Variants in PIP5K1A observed in about 807,000 individuals in gnomAD.
PIP5K1A encodes phosphatidylinositol-4-phosphate 5-kinase type 1 alpha.
PIP5K1A carries 46 observed loss-of-function variants against 72.9 expected under a neutral mutation model. That is an observed-to-expected ratio of 0.63 (90% CI 0.50 to 0.81). The LOEUF (loss-of-function observed/expected upper bound fraction) is 0.81, where lower values mean the gene tolerates loss of function less well. PIP5K1A is among the 30% of genes least tolerant of loss of function. PIP5K1A has a pLI of 0.00. For missense variants in PIP5K1A, 458 were observed against 706.1 expected (o/e 0.65, Z 3.98); for synonymous variants, 228 against 255.1 (o/e 0.89, Z 1.01).
In PIP5K1A at chr1:151,247,956, C is replaced by T. The variant is rs769360431; in HGVS notation, c.*91C>T. ...TGCCCCAGCAATGCTGAATTTTCTTCTACTTGGTCATCAAAAAAGGAGTGT... is the reference window on the plus strand; with the variant it reads ...TGCCCCAGCAATGCTGAATTTTCTTTTACTTGGTCATCAAAAAAGGAGTGT... On this transcript the variant is annotated 3_prime_UTR_variant, in exon 16 of 16. Transcript: ENST00000368888. 1.1e-5 allele frequency: 13 copies of T among 1,145,486 alleles called. No individual in the cohort carries two copies. The South Asian group carries it at 1.6e-4, about 14-fold the overall frequency. 71.0% of individuals were successfully genotyped at this position (1,145,486 alleles called of 1,614,324 possible).
chr1:151,235,760 G>T (rs1162765770), intron 8 of PIP5K1A, among the ~76,000 whole-genome samples: 1 of 152,204 alleles, frequency 6.6e-6, no homozygotes, highest in Non-Finnish European at 1.5e-5. Context: ...AGATGGTCTT[G>T]TGGGCTAGGC....
chr1:151,238,390 CTTACT>C (rs1558293551), intron 10 of PIP5K1A, 125 bp downstream of exon 10: 5 of 697,824 alleles, frequency 7.2e-6, no homozygotes, highest in Non-Finnish European at 1.3e-5. Flanking sequence ...AGTCTGGCTA[CTTACT>C]TCATTAGTTT....
At position 151,231,658 on chromosome 1, in the gene PIP5K1A, T is replaced by A; in HGVS notation, c.238-13T>A. 1.2e-6 allele frequency: 2 copies of A among 1,613,340 alleles called. No individual in the cohort carries two copies. The highest frequency in any genetic ancestry group is 1.7e-6 in the Non-Finnish European group (2 of 1,179,262). ...ATACTAGGAATTTTCTTCTCATTTC[T>A]CTTGTTTCTCAGACAACCTCATCAG... On this transcript the variant is annotated splice_polypyrimidine_tract_variant and intron_variant, in intron 4 of 15. Transcript: ENST00000368888.
At chr1:151,240,555 C>T (rs61817981) in intron 12 of PIP5K1A, among the ~76,000 whole-genome samples, 1 of 152,326 alleles carries the variant, frequency 6.6e-6, no homozygotes, top group Non-Finnish European at 1.5e-5. Context: ...TCTAGCTTCT[C>T]TTTCCCTTCT....
At chr1:151,201,165 A>G (rs898061142) in intron 1 of PIP5K1A, among the ~76,000 whole-genome samples, 5 of 152,132 alleles carry the variant, frequency 3.3e-5, no homozygotes, top group African/African-American at 9.6e-5. Flanking sequence ...GTAGCTCCTT[A>G]ATTTGAAACC....
upstream of PIP5K1A, chr1:151,198,213 G>T: frequency 2.4e-6 from 1 of 414,392 alleles, no homozygotes; most frequent in Non-Finnish European, 5.0e-6. Flanking sequence ...AATGTTTTGT[G>T]ATATTCGACA....
intron 1 of PIP5K1A, among the ~76,000 whole-genome samples, chr1:151,211,470 G>A (rs1057064048): frequency 1.3e-5 from 2 of 152,068 alleles, no homozygotes; most frequent in Non-Finnish European, 2.9e-5. Flanking sequence ...GGGTGACAGA[G>A]TGAGACCTTG....
rs1691201223 is a variant in PIP5K1A, at chr1:151,238,478, C to T, written c.1229+213C>T. 11 of 531,174 alleles carry T rather than the reference C, an allele frequency of 2.1e-5. No individual in the cohort carries two copies. In the South Asian group the frequency reaches 2.2e-4, roughly 11 times the overall value. 32.9% of individuals were successfully genotyped at this position (531,174 alleles called of 1,614,324 possible). On this transcript the variant is annotated intron_variant, in intron 10 of 15. Transcript: ENST00000368888. ...ACCCTTCCTCCCCCATCTCCCCAGA[C>T]ATAATGTATACCTTCTGTGGAAAGC...
At chr1:151,214,981 G>T (rs1441047601) in intron 1 of PIP5K1A, among the ~76,000 whole-genome samples, 2 of 150,544 alleles carry the variant, frequency 1.3e-5, no homozygotes, top group Non-Finnish European at 2.9e-5. Context: ...GCCTCCCAAA[G>T]TGCTGGGATT....
intron 1 of PIP5K1A, among the ~76,000 whole-genome samples, chr1:151,199,870 G>C (rs587604925): frequency 6.6e-6 from 1 of 152,188 alleles, no homozygotes; most frequent in South Asian, 2.1e-4. Context: ...GTGGGCGGGA[G>C]TTGTTGAAGC....
chr1:151,198,187 G>A, upstream of PIP5K1A: 1 of 447,238 alleles, frequency 2.2e-6, no homozygotes. Context: ...ACTAAGAAGA[G>A]TTCTTGGTGG....
At chr1:151,214,906 C>T (rs1423946689) in intron 1 of PIP5K1A, among the ~76,000 whole-genome samples, 1 of 148,718 alleles carries the variant, frequency 6.7e-6, no homozygotes, top group African/African-American at 2.5e-5. Flanking sequence ...TTAGTGGAGA[C>T]CAGTTTTCAC....
chr1:151,214,797 A>G (rs750370265), intron 1 of PIP5K1A, among the ~76,000 whole-genome samples: 1 of 151,974 alleles, frequency 6.6e-6, no homozygotes, highest in Non-Finnish European at 1.5e-5. Flanking sequence ...GCTCACTGCA[A>G]CCTCTGCCTC....
intron 1 of PIP5K1A, chr1:151,224,021 A>G (rs1009661498): frequency 3.5e-6 from 2 of 569,380 alleles, no homozygotes; most frequent in African/African-American, 3.8e-5. Context: ...TTTGAATAAG[A>G]AAGGGGTCTA....
intron 1 of PIP5K1A, among the ~76,000 whole-genome samples, chr1:151,200,860 C>T (rs587730267): frequency 2.2e-4 from 34 of 151,674 alleles, no homozygotes; most frequent in Non-Finnish European, 3.7e-4. Context: ...GACGGAGTCT[C>T]GCTCTGTCGC....
chr1:151,213,574 G>C (rs990456280), intron 1 of PIP5K1A: 3 of 152,148 alleles, frequency 2.0e-5, no homozygotes, highest in African/African-American at 7.2e-5. Flanking sequence ...ATAGTCATCT[G>C]AAAGTAATAT....
intron 14 of PIP5K1A, among the ~76,000 whole-genome samples, chr1:151,243,017 A>G (rs1163554781): frequency 3.3e-5 from 5 of 152,220 alleles, no homozygotes; most frequent in Admixed American, 1.3e-4. Context: ...GCATGTGCCT[A>G]TGCAGAAACC....
chr1:151,208,506 G>A (rs1002143095), intron 1 of PIP5K1A, among the ~76,000 whole-genome samples: 1 of 150,984 alleles, frequency 6.6e-6, no homozygotes, highest in African/African-American at 2.4e-5. Flanking sequence ...GATTACAGGC[G>A]CACACCACCA....
intron 4 of PIP5K1A, among the ~76,000 whole-genome samples, chr1:151,228,183 G>C (rs1689438669): frequency 6.6e-6 from 1 of 151,894 alleles, no homozygotes; most frequent in African/African-American, 2.4e-5. Flanking sequence ...TGTCACCCAG[G>C]CTGGATTGCA....
Sources: gnomAD v4.1 joint callset for allele counts (sites outside exome capture counted in the v4.1 genomes callset) on GRCh38, gnomAD v4.1.1 for gene constraint, MANE v1.5 for transcripts, NCBI Gene and HGNC (gene_info 2026-07-23, HGNC 2026-07-21) for gene names.